Variants in ROBO2 observed in about 807,000 individuals in gnomAD.
ROBO2 encodes roundabout guidance receptor 2.
ROBO2 carries 53 observed loss-of-function variants against 160.8 expected under a neutral mutation model. That is an observed-to-expected ratio of 0.33 (90% CI 0.26 to 0.41). The LOEUF is 0.41. ROBO2 is among the 10% of genes least tolerant of loss of function. The pLI is 1.00. For synonymous variants in ROBO2, 664 were observed against 611.7 expected (o/e 1.09, Z -1.26); for missense variants, 1,577 against 1,722.4 (o/e 0.92, Z 1.49).
chr3:77,123,269 A>AT (rs780837402), intron 2 of ROBO2, among the ~76,000 whole-genome samples: 4 of 152,190 alleles, frequency 2.6e-5, no homozygotes, highest in Non-Finnish European at 4.4e-5. Context: ...ATAATAAGCT[A>AT]TAAAAGGAAC....
intron 2 of ROBO2, among the ~76,000 whole-genome samples, chr3:77,475,524 ATTTT>A (rs2083897482): frequency 6.6e-6 from 1 of 152,134 alleles, no homozygotes; most frequent in South Asian, 2.1e-4. Context: ...TTGGCATACC[ATTTT>A]TTAGGAGAGC....
intron 2 of ROBO2, among the ~76,000 whole-genome samples, chr3:77,299,993 G>C (rs1194300515): frequency 1.3e-5 from 2 of 151,840 alleles, no homozygotes; most frequent in Admixed American, 1.3e-4. Flanking sequence ...TATTCTCATA[G>C]TTTGGAAAAA....
chr3:76,250,409 G>A (rs1359527608), intron 2 of ROBO2, among the ~76,000 whole-genome samples: 1 of 151,988 alleles, frequency 6.6e-6, no homozygotes, highest in Non-Finnish European at 1.5e-5. Context: ...CTTTTCATTA[G>A]AGAGCAAAAA....
intron 2 of ROBO2, among the ~76,000 whole-genome samples, chr3:77,150,618 C>G (rs2150520873): frequency 6.6e-6 from 1 of 151,712 alleles, no homozygotes; most frequent in Non-Finnish European, 1.5e-5. Flanking sequence ...CAAAGAACAA[C>G]AGAAAAGTAT....
chr3:76,221,641 G>T (rs1291823313), intron 2 of ROBO2, among the ~76,000 whole-genome samples: 2 of 152,172 alleles, frequency 1.3e-5, no homozygotes, highest in African/African-American at 4.8e-5. Context: ...GATCTAGCTG[G>T]TACTGTAACT....
intron 2 of ROBO2, among the ~76,000 whole-genome samples, chr3:76,367,007 GA>G (rs1458058181): frequency 4.6e-5 from 7 of 151,900 alleles, no homozygotes; most frequent in African/African-American, 1.4e-4. Context: ...ACTCAATATA[GA>G]ATGTAAGCAG....
intron 2 of ROBO2, among the ~76,000 whole-genome samples, chr3:75,937,808 T>C (rs1256493648): frequency 2.7e-5 from 4 of 146,380 alleles, no homozygotes; most frequent in African/African-American, 1.0e-4. Flanking sequence ...AAGCCATCTT[T>C]CTGAAATTGG....
exon 25 of ROBO2, chr3:77,644,828 C>T: frequency 1.2e-6 from 2 of 1,614,080 alleles, no homozygotes; most frequent in Non-Finnish European, 1.7e-6. Context: ...GAGCAGGCCA[C>T]CAGCGCAATG....
chr3:76,172,432 T>C (rs1365688747), intron 2 of ROBO2, among the ~76,000 whole-genome samples: 1 of 82,960 alleles, frequency 1.2e-5, no homozygotes, highest in African/African-American at 5.8e-5. Flanking sequence ...TAAAGTATAA[T>C]AATTAAAAAA....
intron 2 of ROBO2, among the ~76,000 whole-genome samples, chr3:76,924,175 C>A (rs2076838066): frequency 6.6e-6 from 1 of 152,084 alleles, no homozygotes; most frequent in African/African-American, 2.4e-5. Context: ...TAATTTTCTA[C>A]CTTGTATTAT....
At chr3:76,304,476 A>G (rs529343729) in intron 2 of ROBO2, among the ~76,000 whole-genome samples, 1 of 152,332 alleles carries the variant, frequency 6.6e-6, no homozygotes, top group East Asian at 1.9e-4. Context: ...TTCAAGAGTT[A>G]TGAAGCTAAT....
intron 2 of ROBO2, among the ~76,000 whole-genome samples, chr3:76,333,008 C>T (rs2073606255): frequency 6.6e-6 from 1 of 152,168 alleles, no homozygotes; most frequent in Non-Finnish European, 1.5e-5. Flanking sequence ...TCTGGGGTGA[C>T]ACCCAAGAAT....
At chr3:76,967,831 C>T (rs565046950) in intron 2 of ROBO2, among the ~76,000 whole-genome samples, 2 of 152,092 alleles carry the variant, frequency 1.3e-5, no homozygotes, top group South Asian at 2.1e-4. Context: ...AGGCCTGAGC[C>T]GTGCCTAGCC....
chr3:76,967,395 G>T (rs2059354362), intron 2 of ROBO2, among the ~76,000 whole-genome samples: 2 of 151,396 alleles, frequency 1.3e-5, no homozygotes, highest in African/African-American at 4.9e-5. Context: ...TGGTAGAGAT[G>T]GAGTTTCCGC....
At chr3:77,589,210 T>G (rs2094125726) in intron 17 of ROBO2, among the ~76,000 whole-genome samples, 1 of 109,906 alleles carries the variant, frequency 9.1e-6, no homozygotes, top group African/African-American at 3.8e-5. Context: ...TTCTTTGAAA[T>G]CATAAACTCA....
chr3:76,338,493 A>G (rs2074024313), intron 2 of ROBO2, among the ~76,000 whole-genome samples: 1 of 151,996 alleles, frequency 6.6e-6, no homozygotes, highest in Non-Finnish European at 1.5e-5. Context: ...CCTGGGCGTC[A>G]TAAGAATACA....
intron 2 of ROBO2, among the ~76,000 whole-genome samples, chr3:76,997,179 T>C (rs2149400023): frequency 6.6e-6 from 1 of 152,304 alleles, no homozygotes; most frequent in East Asian, 1.9e-4. Flanking sequence ...TTAGTATGCA[T>C]GAAAAACACA....
chr3:76,986,842 A>G (rs1255425937), intron 2 of ROBO2, among the ~76,000 whole-genome samples: 2 of 152,122 alleles, frequency 1.3e-5, no homozygotes, highest in East Asian at 1.9e-4. Context: ...ATTGATATCT[A>G]TTATTAAAAT....
intron 2 of ROBO2, among the ~76,000 whole-genome samples, chr3:76,626,314 G>T (rs1005158775): frequency 6.6e-6 from 1 of 152,122 alleles, no homozygotes; most frequent in East Asian, 1.9e-4. Flanking sequence ...GTGGTGTGCG[G>T]TAGAGATATA....
Sources: allele counts gnomAD v4.1 joint callset (sites outside exome capture counted in the v4.1 genomes callset), GRCh38; gene constraint gnomAD v4.1.1; transcripts MANE v1.5; gene names NCBI Gene and HGNC (gene_info 2026-07-23, HGNC 2026-07-21).